KCNG3: variants seen among roughly 807,000 people sequenced by gnomAD.
KCNG3 encodes voltage-gated potassium channel regulatory subunit KCNG3.
Under a neutral mutation model 29.0 loss-of-function variants are expected in KCNG3, and 15 were observed. The observed-to-expected ratio is 0.52, with a 90% CI of 0.35 to 0.80. The LOEUF is 0.80. KCNG3 is among the 30% of genes least tolerant of loss of function. KCNG3 has a pLI of 0.01. For synonymous variants in KCNG3, 322 were observed against 248.9 expected (o/e 1.29, Z -2.76); for missense variants, 512 against 605.7 (o/e 0.85, Z 1.62).
intron 1 of KCNG3, among the ~76,000 whole-genome samples, chr2:42,447,409 T>C (rs182092434): frequency 1.2e-4 from 19 of 152,204 alleles, no homozygotes; most frequent in Non-Finnish European, 2.9e-5. Context: ...AATCAGTAAA[T>C]AGAGAGCTCC....
chr2:42,445,733 C>CT (rs5830728), intron 1 of KCNG3, among the ~76,000 whole-genome samples: 20 of 150,054 alleles, frequency 1.3e-4, no homozygotes, highest in South Asian at 6.3e-4. Context: ...GATAGGATTC[C>CT]TTTTTTTTTT....
chr2:42,428,719 A>G, the KCNG3 span, among the ~76,000 whole-genome samples: 1,910 of 152,296 alleles, frequency 0.013, 37 homozygotes, highest in African/African-American at 0.044. Context: ...AATAAACATT[A>G]AAACAGCTGC....
At chr2:42,402,312 G>T in the KCNG3 span, among the ~76,000 whole-genome samples, 1 of 152,236 alleles carries the variant, frequency 6.6e-6, no homozygotes, top group Non-Finnish European at 1.5e-5. Flanking sequence ...ATATGAGCCA[G>T]TTCCCTAAAT....
At chr2:42,428,458 G>GAAAAAAAAAAAAAAAA in the KCNG3 span, among the ~76,000 whole-genome samples, 3 of 104,526 alleles carry the variant, frequency 2.9e-5, 1 homozygote, top group African/African-American at 4.1e-5. Context: ...CCCGGTCTCG[G>GAAAAAAAAAAAAAAAA]GAAAAAAAAA....
chr2:42,481,640 G>T (rs1673586668), intron 1 of KCNG3, among the ~76,000 whole-genome samples: 7 of 152,010 alleles, frequency 4.6e-5, no homozygotes, highest in Admixed American at 4.6e-4. Flanking sequence ...CATCTATAAG[G>T]CGCTTCCTGG....
intron 1 of KCNG3, among the ~76,000 whole-genome samples, chr2:42,484,679 T>C (rs900200658): frequency 7.9e-5 from 12 of 152,204 alleles, no homozygotes; most frequent in Admixed American, 1.3e-4. Flanking sequence ...TAACACTTTT[T>C]TTCCGATGAA....
chr2:42,476,158 T>C (rs555229980), intron 1 of KCNG3, among the ~76,000 whole-genome samples: 51 of 152,286 alleles, frequency 3.3e-4, no homozygotes, highest in Admixed American at 6.5e-4. Context: ...CAATTATTCA[T>C]GTCTCTTTAT....
chr2:42,388,899 AG>A, the KCNG3 span, among the ~76,000 whole-genome samples: 1 of 151,896 alleles, frequency 6.6e-6, no homozygotes, highest in Non-Finnish European at 1.5e-5. Context: ...CATACTATGT[AG>A]ATTACTTTGT....
Position 42,492,928 on chromosome 2 carries a change from T to TGCTG in KCNG3, c.570_573dup (p.Thr192GlnfsTer18). The TGCTG allele has an allele frequency of 6.3e-7, 1 of 1,589,092 alleles. No individual in the cohort carries two copies. The highest frequency in any genetic ancestry group is 8.5e-7 in the Non-Finnish European group (1 of 1,171,482). ...GCTGCGTTGCGCCAGTCGGGCAACG[T>TGCTG]GCTGGCGCACAGCACCACCATGGAC... On this transcript the variant is annotated frameshift_variant, in exon 1 of 2. Transcript: ENST00000306078. LOFTEE classifies it high-confidence loss of function.
downstream of KCNG3, among the ~76,000 whole-genome samples, chr2:42,440,788 G>C (rs1203245505): frequency 2.6e-5 from 4 of 152,264 alleles, no homozygotes; most frequent in African/African-American, 9.6e-5. Context: ...TTGTTAGTTT[G>C]TTCACTTTCA....
the KCNG3 span, among the ~76,000 whole-genome samples, chr2:42,392,469 G>C: frequency 6.6e-6 from 1 of 152,124 alleles, no homozygotes; most frequent in African/African-American, 2.4e-5. Flanking sequence ...GGTGGTAGCA[G>C]ATTCAGGGGT....
At chr2:42,473,613 G>A (rs1013260291) in intron 1 of KCNG3, among the ~76,000 whole-genome samples, 4 of 152,072 alleles carry the variant, frequency 2.6e-5, no homozygotes, top group Non-Finnish European at 2.9e-5. Flanking sequence ...GCCTCCCAAA[G>A]TGCTGGGATT....
At chr2:42,396,667 G>A in the KCNG3 span, among the ~76,000 whole-genome samples, 21 of 152,200 alleles carry the variant, frequency 1.4e-4, no homozygotes, top group South Asian at 4.2e-3. Flanking sequence ...GAAAGTTCAC[G>A]CCCAAACTTC....
In KCNG3 at chr2:42,444,609, A is replaced by C; in HGVS notation, c.666-30T>G. 1 of 1,566,194 alleles carries C rather than the reference A, an allele frequency of 6.4e-7. No homozygotes were observed. The highest frequency in any genetic ancestry group is 8.6e-7 in the Non-Finnish European group (1 of 1,156,078). On this transcript the variant is annotated intron_variant, in intron 1 of 1. Transcript: ENST00000306078. This position sits in a 1 kb window ranked among gnomAD's most constrained non-coding sequence, Gnocchi z 5.8. The stretch of plus-strand genomic sequence containing the variant: ...CAAGAGAACAAAAGAAGAATTGATC[A>C]TTTTATTTTTAAGCATTTTAATAGC...
chr2:42,388,482 ACTGGTGG>A, the KCNG3 span: 1 of 152,234 alleles, frequency 6.6e-6, no homozygotes, highest in African/African-American at 2.4e-5. Flanking sequence ...AATACCACAG[ACTGGTGG>A]CTTAAACAAC....
intron 1 of KCNG3, among the ~76,000 whole-genome samples, chr2:42,477,217 A>C (rs1175150516): frequency 6.7e-6 from 1 of 150,192 alleles, no homozygotes; most frequent in East Asian, 2.0e-4. Context: ...AAAAAAAAGT[A>C]CTGATTAAAA....
chr2:42,423,151 T>G, the KCNG3 span, among the ~76,000 whole-genome samples: 4 of 152,156 alleles, frequency 2.6e-5, no homozygotes, highest in Non-Finnish European at 4.4e-5. Flanking sequence ...CCTCCAATCA[T>G]TAAATCTACA....
At chr2:42,439,237 AATT>A (rs1672425296), downstream of KCNG3, among the ~76,000 whole-genome samples, 2 of 134,492 alleles carry the variant, frequency 1.5e-5, no homozygotes, top group African/African-American at 5.5e-5. Context: ...ATAAACTGTC[AATT>A]ATATATTATT....
At chr2:42,446,578 CAGA>C (rs1672603224) in intron 1 of KCNG3, among the ~76,000 whole-genome samples, 2 of 152,124 alleles carry the variant, frequency 1.3e-5, no homozygotes. Flanking sequence ...ACCCAAACAT[CAGA>C]AGTACAATGG....
Sources: allele counts gnomAD v4.1 joint callset (sites outside exome capture counted in the v4.1 genomes callset), GRCh38; gene constraint gnomAD v4.1.1; non-coding constraint Gnocchi (gnomAD v3.1); transcripts MANE v1.5; gene names NCBI Gene and HGNC (gene_info 2026-07-23, HGNC 2026-07-21).